Variants in GRM5 observed in about 807,000 individuals in gnomAD.
GRM5 encodes glutamate metabotropic receptor 5.
A neutral mutation model predicts 83.1 loss-of-function variants in GRM5; 19 were observed. That is an observed-to-expected ratio of 0.23 (90% CI 0.16 to 0.34). The LOEUF is 0.34. Ranked by LOEUF, GRM5 falls within the 10% of genes least tolerant of loss-of-function variation. The pLI is 1.00. For missense variants in GRM5, 1,160 were observed against 1,588.3 expected, an observed-to-expected ratio of 0.73 and a Z score of 4.58; for synonymous variants, 675 against 633.6, an observed-to-expected ratio of 1.07 and a Z score of -0.98.
intron 3 of GRM5, among the ~76,000 whole-genome samples, chr11:88,779,477 T>C (rs1942929880): frequency 6.6e-6 from 1 of 152,174 alleles, no homozygotes; most frequent in African/African-American, 2.4e-5. Context: ...TCTAGATAAG[T>C]GCTCAGTTTT....
At chr11:88,698,408 C>T (rs1320346052) in intron 3 of GRM5, among the ~76,000 whole-genome samples, 1 of 152,204 alleles carries the variant, frequency 6.6e-6, no homozygotes, top group Non-Finnish European at 1.5e-5. Flanking sequence ...TACAAATTCA[C>T]TCTTAGTGCT....
rs895194001 is a variant in GRM5, at chr11:88,681,517, G to C, written c.912-28114C>G. On this transcript the variant is annotated intron_variant, in intron 3 of 9. Coordinates refer to ENST00000305447, the MANE Select transcript of GRM5 (RefSeq NM_001143831.3). ...ATTCTTATTTTTCCTTTTCATTTCT[G>C]GATCATATTTCCCCTACTGTTTATA... Among the ~76,000 whole-genome samples, 3 of 140,512 alleles carry C rather than the reference G, an allele frequency of 2.1e-5. No individual in the cohort carries two copies. In the Admixed American group the frequency reaches 2.2e-4, roughly 10 times the overall value. 92.2% of individuals were successfully genotyped at this position (140,512 alleles called of 152,430 possible).
At chr11:89,011,308 A>T (rs1940692622) in intron 2 of GRM5, among the ~76,000 whole-genome samples, 1 of 151,984 alleles carries the variant, frequency 6.6e-6, no homozygotes, top group African/African-American at 2.4e-5. Context: ...ATTAATTTGA[A>T]TTTTTTTGAT....
intron 2 of GRM5, among the ~76,000 whole-genome samples, chr11:88,912,650 TC>T (rs1945518963): frequency 6.6e-6 from 1 of 152,230 alleles, no homozygotes; most frequent in Non-Finnish European, 1.5e-5. Context: ...GTTGAAAGCA[TC>T]CATAATAGTC....
chr11:89,065,500 G>A (rs1942083190), intron 1 of GRM5, among the ~76,000 whole-genome samples: 1 of 151,812 alleles, frequency 6.6e-6, no homozygotes, highest in Non-Finnish European at 1.5e-5. Context: ...CCATTGGAGC[G>A]ATACCGCGGT....
chr11:88,895,119 T>C (rs1238670920), intron 2 of GRM5, among the ~76,000 whole-genome samples: 1 of 151,936 alleles, frequency 6.6e-6, no homozygotes, highest in East Asian at 1.9e-4. Flanking sequence ...AATTGAGATA[T>C]ATATTGTAAG....
At chr11:88,830,325 A>ATATATTTAAAG (rs1250983289) in intron 3 of GRM5, among the ~76,000 whole-genome samples, 3 of 150,728 alleles carry the variant, frequency 2.0e-5, no homozygotes, top group African/African-American at 7.4e-5. Flanking sequence ...TATATTTAAA[A>ATATATTTAAAG]TATATTTAAA....
At chr11:88,856,200 T>C (rs781353602) in intron 2 of GRM5, among the ~76,000 whole-genome samples, 3 of 152,246 alleles carry the variant, frequency 2.0e-5, no homozygotes, top group Middle Eastern at 3.4e-3. Context: ...GTTGCTACTG[T>C]AAACACAGTT....
At chr11:88,630,536 AAT>A (rs1254146208) in intron 4 of GRM5, among the ~76,000 whole-genome samples, 60 of 124,382 alleles carry the variant, frequency 4.8e-4, no homozygotes, top group Middle Eastern at 4.0e-3. Flanking sequence ...TTACTAATGT[AAT>A]ACACACACAC....
intron 2 of GRM5, among the ~76,000 whole-genome samples, chr11:89,025,144 G>T (rs1565340700): frequency 6.6e-6 from 1 of 151,948 alleles, no homozygotes; most frequent in African/African-American, 2.4e-5. Context: ...CTGGCATAAG[G>T]AAAAAAATGT....
At chr11:88,536,143 C>T (rs886307583) in intron 8 of GRM5, among the ~76,000 whole-genome samples, 23 of 152,186 alleles carry the variant, frequency 1.5e-4, no homozygotes, top group Admixed American at 1.3e-4. Context: ...TGATTCAGCT[C>T]ATAGTACTGA....
rs1167934086 is a variant in GRM5, at chr11:89,031,632, G to C, written c.661+15580C>G. On this transcript the variant is annotated intron_variant, in intron 2 of 9. Transcript: ENST00000305447. Reference sequence around the variant, plus strand: ...AACATCCAATATTATGTATATAGCTGCTTTTTTAAATTGTGCATAAGATAA... The same window carrying C: ...AACATCCAATATTATGTATATAGCTCCTTTTTTAAATTGTGCATAAGATAA... Among the ~76,000 whole-genome samples, 3 of 151,996 alleles carry C rather than the reference G, an allele frequency of 2.0e-5. No individual in the cohort carries two copies. In the East Asian group the frequency reaches 5.8e-4, roughly 29 times the overall value.
intron 2 of GRM5, among the ~76,000 whole-genome samples, chr11:88,884,017 CCA>C (rs948231847): frequency 6.6e-6 from 1 of 152,098 alleles, no homozygotes; most frequent in Non-Finnish European, 1.5e-5. Flanking sequence ...ACTGGAGGCC[CCA>C]CACAGAGTCC....
intron 7 of GRM5, 32 bp from the exon 8 acceptor site, chr11:88,568,024 G>A (rs1299070909): frequency 7.0e-7 from 1 of 1,435,452 alleles, no homozygotes; most frequent in South Asian, 1.2e-5. Flanking sequence ...TTGTAAAGGA[G>A]GGAGAGATGT....
chr11:88,743,724 A>T lies in GRM5; in HGVS notation c.912-90321T>A, dbSNP rs989529520. On this transcript the variant is annotated intron_variant, in intron 3 of 9. Transcript: ENST00000305447. ...AAACAGCCTGGCTGGAGGAGATTTG[A>T]GGCAAATACAATCACATTGCATCGT... 5.9e-5 allele frequency among the ~76,000 whole-genome samples: 9 copies of T among 152,234 alleles called. No homozygotes were observed. In the East Asian group the frequency reaches 1.7e-3, roughly 29 times the overall value.
In GRM5 at chr11:88,768,956, C is replaced by A. The variant is rs59652106; in HGVS notation, c.911+80950G>T. 3.7e-3 allele frequency among the ~76,000 whole-genome samples: 563 copies of A among 152,172 alleles called. 3 individuals are homozygous for A. The highest frequency in any genetic ancestry group is 0.013 in the African/African-American group (539 of 41,554). ...AATTTTGTTGTTTTATGCTTCCCTT[C>A]AAACCTCCATGAATAAAATAGCCTC... On this transcript the variant is annotated intron_variant, in intron 3 of 9. Transcript: ENST00000305447.
At chr11:88,649,090 A>C (rs1013453074) in intron 4 of GRM5, among the ~76,000 whole-genome samples, 1 of 144,648 alleles carries the variant, frequency 6.9e-6, no homozygotes, top group African/African-American at 2.5e-5. Flanking sequence ...ACATATATTA[A>C]AATATATAAT....
At chr11:88,885,456 T>G (rs1357961589) in intron 2 of GRM5, among the ~76,000 whole-genome samples, 169 of 11,304 alleles carry the variant, frequency 0.015, 26 homozygotes, top group South Asian at 0.062. Flanking sequence ...CCATGTTTTT[T>G]TTTTTTTTTT....
chr11:88,993,728 T>A (rs1041498834), intron 2 of GRM5, among the ~76,000 whole-genome samples: 1 of 152,184 alleles, frequency 6.6e-6, no homozygotes, highest in African/African-American at 2.4e-5. Context: ...GTTTTTAGTT[T>A]GTTTGTTTTT....
Sources: allele counts gnomAD v4.1 joint callset (sites outside exome capture counted in the v4.1 genomes callset), GRCh38; gene constraint gnomAD v4.1.1; transcripts MANE v1.5; gene names NCBI Gene and HGNC (gene_info 2026-07-23, HGNC 2026-07-21).